The following UPRT variants were observed in gnomAD, a reference collection of about 807,000 sequenced individuals.
UPRT encodes uracil phosphoribosyltransferase homolog, also known as RP11-311P8.3.
A neutral mutation model predicts 22.6 loss-of-function variants in UPRT; 5 were observed. The ratio of observed to expected loss-of-function variants is 0.22; its 90% confidence interval spans 0.12 to 0.47. The LOEUF (loss-of-function observed/expected upper bound fraction) is 0.47, where lower values mean the gene tolerates loss of function less well. Among genes scored for constraint, UPRT ranks in the 20% least tolerant of loss-of-function variants. The pLI is 0.99. For missense variants in UPRT, 181 were observed against 239.9 expected (o/e 0.75, Z 1.62); for synonymous variants, 77 against 87.7 (o/e 0.88, Z 0.68).
At chrX:75,288,055 T>C (rs1037757252) in intron 1 of UPRT, among the ~76,000 whole-genome samples, 2 of 111,501 alleles carry the variant, frequency 1.8e-5, no homozygotes, top group Non-Finnish European at 3.8e-5. Context: ...CAACTCTAGA[T>C]GCAGAAACTA....
rs201004987 is a variant in UPRT at position 75,244,812 on chromosome X, T to TA, written c.-446-46204dup. 3.2e-3 allele frequency among the ~76,000 whole-genome samples: 349 copies of TA among 109,690 alleles called. 2 individuals carry two copies. The highest frequency in any genetic ancestry group is 0.011 in the African/African-American group (342 of 30,248). On this transcript the variant is annotated intron_variant, in intron 4 of 13. Coordinates refer to the UPRT transcript ENST00000652605. ...GACTTAAACGTAAAACCTACAACCA[T>TA]AAAAAAAACCCTGAAAGATAATGAG...
In UPRT at chrX:75,285,229, A is replaced by C. The variant is rs768527123; in HGVS notation, c.387-8243A>C. ...AAATTGCCCAGACTACCTGCCTCCA[A>C]GTTGAGAAAGAAAAACTTCTTTCCC... On this transcript the variant is annotated intron_variant, in intron 1 of 6. Transcript: ENST00000373383. Among the ~76,000 whole-genome samples, 5 of 111,518 alleles carry C rather than the reference A, an allele frequency of 4.5e-5. No homozygotes were observed. In the East Asian group the frequency reaches 1.4e-3, roughly 32 times the overall value.
At chrX:75,174,286 ACT>A (rs1306814702) in intron 4 of UPRT, among the ~76,000 whole-genome samples, 1 of 111,385 alleles carries the variant, frequency 9.0e-6, no homozygotes, top group Non-Finnish European at 1.9e-5. Context: ...TCAGAGGAGA[ACT>A]CTCTAGGCCA....
intron 4 of UPRT, among the ~76,000 whole-genome samples, chrX:75,240,996 A>T (rs1371444998): frequency 9.0e-6 from 1 of 111,424 alleles, no homozygotes; most frequent in Admixed American, 9.6e-5. Context: ...CATCAGAAAA[A>T]CTCTTCTAAA....
At chrX:75,214,956 A>AACACACAC (rs56673150) in intron 4 of UPRT, among the ~76,000 whole-genome samples, 10 of 99,038 alleles carry the variant, frequency 1.0e-4, no homozygotes, top group African/African-American at 4.0e-4. Context: ...AAGTATTCTC[A>AACACACAC]ACACACACAC....
chrX:75,254,900 C>A (rs963455290), intron 4 of UPRT, among the ~76,000 whole-genome samples: 2 of 109,449 alleles, frequency 1.8e-5, no homozygotes, highest in Non-Finnish European at 3.8e-5. Context: ...CTCAGCCTCC[C>A]GAGTAGCTGG....
chrX:75,171,640 TAAAG>T (rs2082227809), intron 4 of UPRT, among the ~76,000 whole-genome samples: 1 of 55,083 alleles, frequency 1.8e-5, no homozygotes, highest in Non-Finnish European at 3.8e-5. Flanking sequence ...TGGGGGGTGT[TAAAG>T]AAGGTTGTTT....
At chrX:75,273,601 G>A (rs1164397403), upstream of UPRT, among the ~76,000 whole-genome samples, 1 of 111,200 alleles carries the variant, frequency 9.0e-6, no homozygotes, top group Non-Finnish European at 1.9e-5. Flanking sequence ...TACACTGTGG[G>A]GCCCAACCAA....
chrX:75,236,052 T>C (rs997345336), intron 4 of UPRT, among the ~76,000 whole-genome samples: 1 of 111,100 alleles, frequency 9.0e-6, no homozygotes, highest in African/African-American at 3.3e-5. Flanking sequence ...GTAAACCCCA[T>C]TGTCTGAGCC....
rs2082737532 is a variant in UPRT, at chrX:75,299,644, A to G, written c.563-91A>G. The G allele has an allele frequency of 4.4e-6, 4 of 902,451 alleles. No individual in the cohort carries two copies. In the South Asian group the frequency reaches 1.3e-4, roughly 29 times the overall value. 74.4% of individuals were successfully genotyped at this position (902,451 alleles called of 1,213,427 possible). The stretch of plus-strand genomic sequence containing the variant: ...TATTTTCATCTTCCTTCCTTTTTGT[A>G]TTAATAACAGTGACAAACTATACTT... On this transcript the variant is annotated intron_variant, in intron 4 of 6. Coordinates refer to ENST00000373383, the MANE Select transcript of UPRT (RefSeq NM_145052.4).
At chrX:75,170,025 C>T (rs758486835) in intron 4 of UPRT, among the ~76,000 whole-genome samples, 15 of 93,192 alleles carry the variant, frequency 1.6e-4, no homozygotes, top group African/African-American at 3.7e-4. Flanking sequence ...TATATAATGT[C>T]GCTCTGTGTC....
chrX:75,253,234 T>G (rs985796845), intron 4 of UPRT, among the ~76,000 whole-genome samples: 13 of 111,155 alleles, frequency 1.2e-4, no homozygotes, highest in Non-Finnish European at 2.3e-4. Context: ...ACAACCCAAT[T>G]AAGAAGTGGG....
Position 75,267,283 on chromosome X carries a change from G to A in UPRT, c.-446-23741G>A, listed in dbSNP as rs768168513. Among the ~76,000 whole-genome samples the A allele has an allele frequency of 1.3e-4, 15 of 111,646 alleles. No homozygotes were observed. The South Asian group carries it at 3.4e-3, about 25-fold the overall frequency. The stretch of plus-strand genomic sequence containing the variant: ...GAGCTCATGACCTTTGTAGGGACAC[G>A]GATGAAGCTGGAAACCATCATTCTC... On this transcript the variant is annotated intron_variant, in intron 4 of 13. Coordinates refer to the UPRT transcript ENST00000652605.
chrX:75,219,041 T>G (rs1272616042), intron 4 of UPRT, among the ~76,000 whole-genome samples: 1 of 110,828 alleles, frequency 9.0e-6, no homozygotes. Flanking sequence ...AGTATAATAA[T>G]AATAAAATTT....
chrX:75,271,395 G>A (rs936776871), upstream of UPRT, among the ~76,000 whole-genome samples: 4 of 111,456 alleles, frequency 3.6e-5, no homozygotes, highest in Admixed American at 9.6e-5. Context: ...AAAGTGGGGA[G>A]AGGACACCCT....
intron 4 of UPRT, among the ~76,000 whole-genome samples, chrX:75,209,292 A>G (rs189052435): frequency 1.5e-4 from 17 of 111,816 alleles, no homozygotes; most frequent in African/African-American, 5.5e-4. Flanking sequence ...AATGGATTCC[A>G]GGCCCTGTCA....
intron 6 of UPRT, 99 bp downstream of exon 6, chrX:75,301,064 T>C (rs1219723676): frequency 1.9e-6 from 1 of 536,660 alleles, no homozygotes; most frequent in Non-Finnish European, 3.0e-6. Flanking sequence ...GTTTATCTGC[T>C]TTCACATTAA....
chrX:75,270,692 T>C (rs1476468958), upstream of UPRT, among the ~76,000 whole-genome samples: 1 of 111,324 alleles, frequency 9.0e-6, no homozygotes, highest in Non-Finnish European at 1.9e-5. Flanking sequence ...CACTCATAAG[T>C]GTGAGTTGAA....
In UPRT at chrX:75,253,091, T is replaced by G. The variant is rs779173896; in HGVS notation, c.-446-37933T>G. Among the ~76,000 whole-genome samples, 3 of 111,157 alleles carry G rather than the reference T, an allele frequency of 2.7e-5. No homozygotes were observed. The East Asian group carries it at 8.5e-4, about 32-fold the overall frequency. On this transcript the variant is annotated intron_variant, in intron 4 of 13. Transcript: ENST00000652605. Reference sequence around the variant, plus strand: ...TAGCATTAGGAGATATACCTAATGCTAAATGATGAGTTAATGGGTGCAGCA... The same window carrying G: ...TAGCATTAGGAGATATACCTAATGCGAAATGATGAGTTAATGGGTGCAGCA...
Sources: gnomAD v4.1 joint callset for allele counts (sites outside exome capture counted in the v4.1 genomes callset) on GRCh38, gnomAD v4.1.1 for gene constraint, MANE v1.5 for transcripts, NCBI Gene and HGNC (gene_info 2026-07-23, HGNC 2026-07-21) for gene names.